Variants in NHLRC3 observed in about 807,000 individuals in gnomAD.
NHLRC3 encodes NHL repeat containing 3.
A neutral mutation model predicts 32.0 loss-of-function variants in NHLRC3; 23 were observed. The ratio of observed to expected loss-of-function variants is 0.72; its 90% CI spans 0.52 to 1.02. The LOEUF is 1.02. NHLRC3 is among the 50% of genes least tolerant of loss of function. The pLI, the probability that NHLRC3 is intolerant of heterozygous loss-of-function variation, is 0.00. For synonymous variants in NHLRC3, 159 were observed against 147.9 expected (o/e 1.08, Z -0.55); for missense variants, 407 against 406.8 (o/e 1.00, Z -0.01).
At chr13:39,042,827 T>C (rs985474624) in intron 4 of NHLRC3, among the ~76,000 whole-genome samples, 6 of 152,010 alleles carry the variant, frequency 3.9e-5, no homozygotes, top group Non-Finnish European at 8.8e-5. Flanking sequence ...ATGAAGGAAG[T>C]AGTTATTGAA....
chr13:39,038,872 T>C, intron 1 of NHLRC3, 149 bp downstream of exon 1: 1 of 726,742 alleles, frequency 1.4e-6, no homozygotes, highest in Non-Finnish European at 2.4e-6. Context: ...GCCTTGACCC[T>C]TTGAGTTTAA....
intron 3 of NHLRC3, chr13:39,041,453 T>A (rs1871463372): frequency 6.6e-6 from 1 of 152,234 alleles, no homozygotes; most frequent in African/African-American, 2.4e-5. Context: ...TTCTGTTCAC[T>A]GCTTTATGAT....
Position 39,044,144 on chromosome 13 carries a change from A to G in NHLRC3, c.641A>G (p.Asn214Ser), listed in dbSNP as rs1206787138. ...GENGTGPAKF[N>S]IPHSVTLDSA... ...AATGGGACAGGGCCTGCTAAGTTCAACATACCTCACAGTGTTACACTTGAT... is the reference window on the plus strand; with the variant it reads ...AATGGGACAGGGCCTGCTAAGTTCAGCATACCTCACAGTGTTACACTTGAT... The change falls in exon 5 of 7, where the codon AAC becomes AGC. Residue 214 changes from asparagine to serine, a missense_variant. By Grantham distance (46) the Asn-to-Ser change is conservative. Coordinates refer to ENST00000379600, the MANE Select transcript of NHLRC3 (RefSeq NM_001012754.4). 10 of 1,613,680 alleles carry G rather than the reference A, an allele frequency of 6.2e-6. No homozygotes were observed. The East Asian group carries it at 2.2e-4, about 36-fold the overall frequency.
In NHLRC3 at chr13:39,039,372, G is replaced by A. The variant is rs962348300; in HGVS notation, c.237+84G>A. ...CTTGCTGTAGTAACTGACCATATGC[G>A]TTTATATCATGCTAATTGTGCAATT... is the stretch of plus-strand genomic sequence containing the variant. On this transcript the variant is annotated intron_variant, in intron 2 of 6. Transcript: ENST00000379600. 8.4e-6 allele frequency: 10 copies of A among 1,193,500 alleles called. No individual in the cohort carries two copies. The Admixed American group carries it at 2.0e-4, about 24-fold the overall frequency. The allele number at this position is 1,193,500 out of a possible 1,614,324, so 73.9% of individuals were successfully genotyped here. A position where few individuals can be genotyped will look rare whatever the true frequency, so the allele number is the denominator to read the frequency against.
In NHLRC3 at chr13:39,048,243, G is replaced by T. The variant is rs967515432; in HGVS notation, c.*317G>T. 5.3e-6 allele frequency: 1 copy of T among 188,432 alleles called. No homozygotes were observed. The highest frequency in any genetic ancestry group is 1.1e-5 in the Non-Finnish European group (1 of 90,852). 11.7% of individuals were successfully genotyped at this position (188,432 alleles called of 1,614,324 possible). ...GGGTAAAAAAAATGGGAATAAAAAT[G>T]AGCTTGCATGATAATTTATTAAATT... On this transcript the variant is annotated 3_prime_UTR_variant, in exon 7 of 7. Coordinates refer to ENST00000379600, the MANE Select transcript of NHLRC3 (RefSeq NM_001012754.4).
intron 6 of NHLRC3, 85 bp from the exon 7 acceptor site, chr13:39,047,589 G>C: frequency 9.3e-7 from 1 of 1,071,368 alleles, no homozygotes; most frequent in Non-Finnish European, 1.4e-6. Flanking sequence ...CTGTTGTTTG[G>C]CACAGTAGGG....
At chr13:39,042,353 A>G (rs751017710) in intron 4 of NHLRC3, 48 bp downstream of exon 4, 2 of 1,147,272 alleles carry the variant, frequency 1.7e-6, no homozygotes, top group South Asian at 1.4e-5. Flanking sequence ...AATTGATTTT[A>G]ATTTGTTCGA....
intron 3 of NHLRC3, chr13:39,040,950 A>G (rs1051003188): frequency 5.3e-5 from 8 of 152,226 alleles, no homozygotes; most frequent in African/African-American, 2.4e-5. Flanking sequence ...TGTTAATACT[A>G]TAATGAGAGT....
At position 39,049,904 on chromosome 13, in the gene NHLRC3, T is replaced by A. The variant is rs1314686643; in HGVS notation, c.*1978T>A. 2 of 152,242 alleles carry A rather than the reference T, an allele frequency of 1.3e-5. No homozygotes were observed. Among genetic ancestry groups the A allele is most frequent in the Non-Finnish European group, 2.9e-5 (2 of 68,044 alleles). The allele number at this position is 152,242 out of a possible 1,614,324, so 9.4% of individuals were successfully genotyped here. ...TTTTATATCAGAGTCTTATAAAACC[T>A]GCTGCAAATATTTCTGAATGTCTTT... is the stretch of plus-strand genomic sequence containing the variant. On this transcript the variant is annotated 3_prime_UTR_variant, in exon 7 of 7. Coordinates refer to ENST00000379600, the MANE Select transcript of NHLRC3 (RefSeq NM_001012754.4).
At chr13:39,046,899 ATCT>A in intron 5 of NHLRC3, 138 bp from the exon 6 acceptor site, 1 of 656,998 alleles carries the variant, frequency 1.5e-6, no homozygotes, top group South Asian at 1.8e-5. Context: ...GTTTTTCCTC[ATCT>A]GAAAATGGGA....
In NHLRC3 at chr13:39,038,671, C is replaced by T. The variant is rs1871307530; in HGVS notation, c.32C>T (p.Ala11Val). 2.5e-6 allele frequency: 4 copies of T among 1,614,176 alleles called. No homozygotes were observed. The highest frequency in any genetic ancestry group is 3.4e-6 in the Non-Finnish European group (4 of 1,180,020). The change falls in exon 1 of 7, where the codon GCT (alanine) becomes GTT (valine). Residue 11 changes from alanine to valine, a missense_variant. Transcript: ENST00000379600. MARFWVCVAGAGFFLAFLVLH... is the reference protein window; with the variant it reads MARFWVCVAGVGFFLAFLVLH... ...AGATTCTGGGTCTGCGTAGCCGGTGCTGGCTTCTTTCTTGCATTTTTGGTT... is the reference window on the plus strand; with the variant it reads ...AGATTCTGGGTCTGCGTAGCCGGTGTTGGCTTCTTTCTTGCATTTTTGGTT...
rs1871569217 is a variant in NHLRC3, at chr13:39,044,139, G to T, written c.636G>T (p.Lys212Asn). ...GAGAAAATGGGACAGGGCCTGCTAAGTTCAACATACCTCACAGTGTTACAC... is the reference window on the plus strand; with the variant it reads ...GAGAAAATGGGACAGGGCCTGCTAATTTCAACATACCTCACAGTGTTACAC... ...LHGENGTGPA[K>N]FNIPHSVTLD... The change falls in exon 5 of 7, where the codon AAG becomes AAT. Residue 212 changes from lysine (K) to asparagine (N), a missense_variant. By Grantham distance (94) the Lys-to-Asn change is moderately conservative. Transcript: ENST00000379600. 6.2e-7 allele frequency: 1 copy of T among 1,613,878 alleles called. No homozygotes were observed. Among genetic ancestry groups the T allele is most frequent in the Non-Finnish European group, 8.5e-7 (1 of 1,179,800 alleles).
At position 39,038,645 on chromosome 13, in the gene NHLRC3, G is replaced by A. The variant is rs1471694394; in HGVS notation, c.6G>A (p.Ala2=). Residue 2 remains alanine, a synonymous_variant, in exon 1 of 7, where the codon GCG becomes GCA. Transcript: ENST00000379600. ...TCCTGGCTTCCCGTCTGGTCATGGC[G>A]AGATTCTGGGTCTGCGTAGCCGGTG... The part of the protein sequence containing the change: M[A]RFWVCVAGAG... 1.9e-6 allele frequency: 3 copies of A among 1,614,198 alleles called. No individual in the cohort carries two copies. The Admixed American group carries it at 5.0e-5, about 27-fold the overall frequency.
At chr13:39,044,229 TTGTG>T (rs370553701) in intron 5 of NHLRC3, 48 bp downstream of exon 5, 54,516 of 840,866 alleles carry the variant, frequency 0.065, 664 homozygotes, top group Admixed American at 0.16. Context: ...CTGAATATGT[TTGTG>T]TGTGTGTGTG....
intron 1 of NHLRC3, 75 bp from the exon 2 acceptor site, chr13:39,039,061 T>TTGCC: frequency 1.3e-6 from 1 of 760,180 alleles, no homozygotes. Flanking sequence ...TAAGCCCTGT[T>TTGCC]ACCCGGCCCC....
chr13:39,045,995 A>G (rs995317709), intron 5 of NHLRC3, among the ~76,000 whole-genome samples: 1 of 152,180 alleles, frequency 6.6e-6, no homozygotes, highest in South Asian at 2.1e-4. Context: ...CTCCCAGTCC[A>G]TTCTTTCATA....
At position 39,047,885 on chromosome 13, in the gene NHLRC3, T is replaced by A; in HGVS notation, c.1003T>A (p.Tyr335Asn). 1.2e-6 allele frequency: 2 copies of A among 1,613,628 alleles called. No homozygotes were observed. The highest frequency in any genetic ancestry group is 8.5e-7 in the Non-Finnish European group (1 of 1,179,594). Reference protein sequence around the residue: ...AEIGAKQVQKYVPLNSYVPSF... With the variant: ...AEIGAKQVQKNVPLNSYVPSF... The stretch of plus-strand genomic sequence containing the variant: ...AATTGGAGCAAAACAAGTACAAAAA[T>A]ATGTCCCTTTGAATAGCTATGTTCC... The change falls in exon 7 of 7, where the codon TAT (tyrosine) becomes AAT (asparagine). Residue 335 changes from tyrosine (Y) to asparagine (N), a missense_variant. Transcript: ENST00000379600.
upstream of NHLRC3, chr13:39,038,392 C>G: frequency 1.8e-6 from 1 of 553,226 alleles, no homozygotes; most frequent in Non-Finnish European, 3.2e-6. Context: ...GCCCGAAGCA[C>G]CTGACATGAG....
In NHLRC3 at chr13:39,039,670, C is replaced by T; in HGVS notation, c.344C>T (p.Thr115Ile). 1 of 1,612,798 alleles carries T rather than the reference C, an allele frequency of 6.2e-7. No homozygotes were observed. Residue 115 changes from threonine to isoleucine, a missense_variant, in exon 3 of 7, where the codon ACT (threonine) becomes ATT (isoleucine). Coordinates refer to ENST00000379600, the MANE Select transcript of NHLRC3 (RefSeq NM_001012754.4). ...DTPHGIFAAS[T>I]LYEQSVWITD... ...CCTCATGGTATATTTGCAGCCAGTA[C>T]TCTATATGAACAATCCGTCTGGATC...
Sources: allele counts gnomAD v4.1 joint callset (sites outside exome capture counted in the v4.1 genomes callset), GRCh38; gene constraint gnomAD v4.1.1; transcripts MANE v1.5; gene names NCBI Gene and HGNC (gene_info 2026-07-23, HGNC 2026-07-21).